Variants in SNAP91 observed in about 807,000 individuals in gnomAD.
SNAP91 encodes the protein clathrin coat assembly protein AP180.
A neutral mutation model predicts 100.3 loss-of-function variants in SNAP91; 27 were observed. That is an observed-to-expected ratio of 0.27 (90% CI 0.20 to 0.37). The LOEUF is 0.37. Among genes scored for constraint, SNAP91 ranks in the 10% least tolerant of loss-of-function variants. The pLI is 1.00. For missense variants in SNAP91, 986 were observed against 1,123.7 expected (o/e 0.88, Z 1.75); for synonymous variants, 404 against 398.6 (o/e 1.01, Z -0.16).
chr6:83,632,188 T>C (rs2097234906), intron 8 of SNAP91, among the ~76,000 whole-genome samples: 2 of 152,172 alleles, frequency 1.3e-5, no homozygotes. Flanking sequence ...CAATCCCTTC[T>C]AGCTTGTAGG....
chr6:83,628,293 T>C (rs950404437), intron 8 of SNAP91, among the ~76,000 whole-genome samples: 9 of 148,704 alleles, frequency 6.1e-5, no homozygotes, highest in Non-Finnish European at 7.4e-5. Flanking sequence ...TTTGGTTGGT[T>C]CCACGATTTT....
At chr6:83,560,816 A>C in intron 27 of SNAP91, 48 bp downstream of exon 27, 1 of 1,515,088 alleles carries the variant, frequency 6.6e-7, no homozygotes, top group Non-Finnish European at 9.1e-7. Context: ...GATTTGGCAA[A>C]TTATTTAGAA....
At chr6:83,665,982 T>C (rs2098674970) in intron 2 of SNAP91, among the ~76,000 whole-genome samples, 1 of 152,106 alleles carries the variant, frequency 6.6e-6, no homozygotes, top group African/African-American at 2.4e-5. Context: ...GGCAATAACA[T>C]AAATGTACTC....
At chr6:83,707,978 C>G in intron 1 of SNAP91, 21 bp from the exon 2 acceptor site, 1 of 1,524,650 alleles carries the variant, frequency 6.6e-7, no homozygotes, top group Non-Finnish European at 8.7e-7. Context: ...CAAGGGGAGA[C>G]GGTCCGGCTT....
intron 11 of SNAP91, among the ~76,000 whole-genome samples, chr6:83,612,799 G>A (rs1022989690): frequency 3.3e-5 from 5 of 150,398 alleles, no homozygotes; most frequent in African/African-American, 1.2e-4. Flanking sequence ...GCTGAGGCAG[G>A]AGAATCGCTT....
chr6:83,587,986 C>T (rs1302701599), intron 22 of SNAP91, among the ~76,000 whole-genome samples: 1 of 152,054 alleles, frequency 6.6e-6, no homozygotes, highest in African/African-American at 2.4e-5. Context: ...CTTATGCTAG[C>T]TTATTTTTGT....
rs572383706 is a variant in SNAP91, at chr6:83,661,682, TA to T, written c.350-79del. ...TGCTTTGCATAGTACTATTTTTTTTTAACTCTCTAAATGGTGATAGTCCTAG... is the reference window on the plus strand; with the variant it reads ...TGCTTTGCATAGTACTATTTTTTTTTACTCTCTAAATGGTGATAGTCCTAG... On this transcript the variant is annotated intron_variant, in intron 4 of 29. Coordinates refer to ENST00000369694, the MANE Select transcript of SNAP91 (RefSeq NM_001242792.2). The T allele has an allele frequency of 5.3e-5, 39 of 733,888 alleles. No homozygotes were observed. The South Asian group carries it at 8.0e-4, about 15-fold the overall frequency. 45.5% of individuals were successfully genotyped at this position (733,888 alleles called of 1,614,324 possible). A position where few individuals can be genotyped will look rare whatever the true frequency, so the allele number is the denominator to read the frequency against.
intron 2 of SNAP91, among the ~76,000 whole-genome samples, chr6:83,679,254 G>T (rs1208819649): frequency 6.6e-6 from 1 of 152,068 alleles, no homozygotes. Flanking sequence ...TATCCACAGG[G>T]AGTCCTGGAA....
intron 23 of SNAP91, among the ~76,000 whole-genome samples, chr6:83,580,959 T>C (rs1329754376): frequency 1.3e-5 from 2 of 152,216 alleles, no homozygotes; most frequent in African/African-American, 2.4e-5. Flanking sequence ...GTATGACCAA[T>C]ACATGGCTTT....
In SNAP91 at chr6:83,575,006, A is replaced by G. The variant is rs748714859; in HGVS notation, c.2442+4T>C. ...CGCTGCCCTGGGCTCTGATTGCTAC[A>G]TACCAAAGGTGCACTTGGTGGAACG... On this transcript the variant is annotated splice_donor_region_variant and intron_variant, in intron 26 of 29. Transcript: ENST00000369694. 3 of 1,575,870 alleles carry G rather than the reference A, an allele frequency of 1.9e-6. No homozygotes were observed. Among genetic ancestry groups the G allele is most frequent in the Admixed American group, 3.6e-5 (2 of 55,700 alleles).
chr6:83,708,796 G>A (rs1182929531), intron 1 of SNAP91, 49 bp downstream of exon 1: 1 of 151,962 alleles, frequency 6.6e-6, no homozygotes, highest in African/African-American at 2.4e-5. Context: ...GCGGATCCCC[G>A]CGAGACCCTG....
chr6:83,651,097 T>G (rs114735726), intron 7 of SNAP91, among the ~76,000 whole-genome samples: 4,233 of 152,270 alleles, frequency 0.028, 199 homozygotes, highest in African/African-American at 0.094. Flanking sequence ...AGATCTGTAG[T>G]GGTCTCCCCT....
chr6:83,605,381 A>C (rs2095546602), intron 14 of SNAP91, among the ~76,000 whole-genome samples: 1 of 152,192 alleles, frequency 6.6e-6, no homozygotes, highest in South Asian at 2.1e-4. Flanking sequence ...AATTACTAAA[A>C]ATAATCAGAA....
intron 9 of SNAP91, among the ~76,000 whole-genome samples, chr6:83,617,951 G>A (rs1258161446): frequency 6.6e-6 from 1 of 151,704 alleles, no homozygotes; most frequent in African/African-American, 2.4e-5. Context: ...ATTTAATTCT[G>A]ACAATTCTTC....
intron 24 of SNAP91, among the ~76,000 whole-genome samples, chr6:83,579,309 C>T (rs1281433881): frequency 6.6e-6 from 1 of 152,154 alleles, no homozygotes; most frequent in Non-Finnish European, 1.5e-5. Flanking sequence ...GGCATAAGTC[C>T]TTTATTTCTG....
intron 24 of SNAP91, among the ~76,000 whole-genome samples, chr6:83,578,906 T>A (rs948597283): frequency 6.6e-6 from 1 of 151,524 alleles, no homozygotes; most frequent in African/African-American, 2.5e-5. Flanking sequence ...TGAATTAATT[T>A]TTTTTTGTTT....
chr6:83,573,962 T>A (rs1388447119), intron 26 of SNAP91, among the ~76,000 whole-genome samples: 1 of 152,208 alleles, frequency 6.6e-6, no homozygotes, highest in Non-Finnish European at 1.5e-5. Context: ...GGGATCTAAT[T>A]AAACTAAAGA....
intron 2 of SNAP91, chr6:83,686,148 C>T: frequency 2.0e-6 from 2 of 984,972 alleles, no homozygotes; most frequent in Non-Finnish European, 2.4e-6. Context: ...TAAATTCTAG[C>T]CTTCCTTAAT....
At chr6:83,624,964 G>A (rs908223868) in intron 8 of SNAP91, among the ~76,000 whole-genome samples, 3 of 151,988 alleles carry the variant, frequency 2.0e-5, no homozygotes, top group Non-Finnish European at 4.4e-5. Flanking sequence ...TGATGCTGAG[G>A]TTTGGGCTTC....
Sources: gnomAD v4.1 joint callset for allele counts (sites outside exome capture counted in the v4.1 genomes callset) on GRCh38, gnomAD v4.1.1 for gene constraint, MANE v1.5 for transcripts, NCBI Gene and HGNC (gene_info 2026-07-23, HGNC 2026-07-21) for gene names.